VPS37A: variants seen among roughly 807,000 people sequenced by gnomAD.
VPS37A encodes VPS37A subunit of ESCRT-I.
In VPS37A, 30 loss-of-function variants were observed where a neutral mutation model predicts 49.8. That is an observed-to-expected ratio of 0.60 (90% CI 0.45 to 0.82). The LOEUF is 0.82. Ranked by LOEUF, VPS37A falls within the 40% of genes least tolerant of loss-of-function variation. The pLI is 0.00. For synonymous variants in VPS37A, 195 were observed against 160.6 expected, an observed-to-expected ratio of 1.21 and a Z score of -1.62; for missense variants, 593 against 464.4, an observed-to-expected ratio of 1.28 and a Z score of -2.55.
the VPS37A span, among the ~76,000 whole-genome samples, chr8:17,329,472 T>C: frequency 6.6e-6 from 1 of 152,254 alleles, no homozygotes; most frequent in African/African-American, 2.4e-5. Context: ...AAAACAGTAG[T>C]GTCAGACCAC....
the VPS37A span, among the ~76,000 whole-genome samples, chr8:17,324,473 T>C: frequency 1.3e-5 from 2 of 152,204 alleles, no homozygotes; most frequent in East Asian, 1.9e-4. Flanking sequence ...CCACCGCACA[T>C]GCATCCATGC....
At chr8:17,286,709 C>G (rs567024600) in intron 11 of VPS37A, 133 of 293,986 alleles carry the variant, frequency 4.5e-4, no homozygotes, top group Middle Eastern at 1.2e-3. Flanking sequence ...CTTTCTCTCA[C>G]CTGGTGTGTA....
At chr8:17,329,273 C>T in the VPS37A span, among the ~76,000 whole-genome samples, 3 of 152,108 alleles carry the variant, frequency 2.0e-5, no homozygotes, top group South Asian at 4.1e-4. Context: ...GCTCAGCCTC[C>T]GCAATGGTTT....
chr8:17,309,611 G>A, the VPS37A span, among the ~76,000 whole-genome samples: 3 of 152,106 alleles, frequency 2.0e-5, no homozygotes, highest in Non-Finnish European at 2.9e-5. Flanking sequence ...ATTGCTTTAC[G>A]TATGATCTCT....
At chr8:17,276,545 ATAAAT>A in intron 6 of VPS37A, 78 bp downstream of exon 6, 2 of 1,384,242 alleles carry the variant, frequency 1.4e-6, no homozygotes, top group Non-Finnish European at 2.0e-6. Context: ...TCATATCCAT[ATAAAT>A]TAAAGTTTAA....
chr8:17,256,290 ATTTTTTTTTTTTTTTTT>A (rs529736602), intron 1 of VPS37A, among the ~76,000 whole-genome samples: 1 of 60,388 alleles, frequency 1.7e-5, no homozygotes, highest in East Asian at 6.8e-4. Context: ...GGGTAAAATG[ATTTTTTTTTTTTTTTTT>A]TTTTTTTTTT....
At chr8:17,255,816 C>T (rs1812396668) in intron 1 of VPS37A, among the ~76,000 whole-genome samples, 1 of 152,120 alleles carries the variant, frequency 6.6e-6, no homozygotes, top group Non-Finnish European at 1.5e-5. Context: ...TGGTTTATGT[C>T]ACTTAACGTA....
intron 1 of VPS37A, 52 bp downstream of exon 1, chr8:17,247,421 G>GTC: frequency 1.8e-5 from 3 of 163,974 alleles, no homozygotes; most frequent in Admixed American, 9.7e-5. Flanking sequence ...GGGAGGGCGG[G>GTC]CTTGTCCTAA....
At chr8:17,248,168 C>G (rs1454599925) in intron 1 of VPS37A, 4 of 367,080 alleles carry the variant, frequency 1.1e-5, no homozygotes, top group African/African-American at 4.3e-5. Flanking sequence ...ATTAGAACTG[C>G]TTCTTTATAT....
At chr8:17,313,202 G>T in the VPS37A span, 2 of 902,880 alleles carry the variant, frequency 2.2e-6, no homozygotes, top group Non-Finnish European at 3.5e-6. Flanking sequence ...TGCAGCTTAA[G>T]ACAGGGAAGC....
rs761480391 is a variant in VPS37A, at chr8:17,280,275, A to G, written c.878A>G (p.Lys293Arg). ...CTTTTGGAGCCCAGCTTGGAAGCCA[A>G]AAGACAAACTGTTTTAGATAAGGTG... ...NLLLEPSLEAKRQTVLDKYEL... is the reference protein window; with the variant it reads ...NLLLEPSLEARRQTVLDKYEL... Residue 293 changes from lysine (K) to arginine (R), a missense_variant, in exon 8 of 12, where the codon AAA becomes AGA. Physicochemically the swap from Lys to Arg is conservative, Grantham distance 26. Coordinates refer to ENST00000324849, the MANE Select transcript of VPS37A (RefSeq NM_152415.3). 5.6e-6 allele frequency: 9 copies of G among 1,612,756 alleles called. No homozygotes were observed. The highest frequency in any genetic ancestry group is 4.4e-5 in the South Asian group (4 of 90,814).
chr8:17,284,313 G>A (rs1815382841), intron 9 of VPS37A, among the ~76,000 whole-genome samples, 160 bp from the exon 10 acceptor site: 1 of 152,184 alleles, frequency 6.6e-6, no homozygotes, highest in African/African-American at 2.4e-5. Flanking sequence ...CAAAAGCTAA[G>A]GACCTGGGTG....
At chr8:17,266,814 C>T (rs1448333060) in intron 2 of VPS37A, among the ~76,000 whole-genome samples, 3 of 152,186 alleles carry the variant, frequency 2.0e-5, no homozygotes, top group Non-Finnish European at 4.4e-5. Flanking sequence ...CCCTCTGTCG[C>T]CCAGACTGGA....
At chr8:17,293,521 TGGA>T (rs751735365) in intron 11 of VPS37A, among the ~76,000 whole-genome samples, 3 of 152,234 alleles carry the variant, frequency 2.0e-5, no homozygotes, top group East Asian at 1.9e-4. Flanking sequence ...TGTGATCCTT[TGGA>T]GGAGAAGAGG....
chr8:17,279,983 C>T (rs188636739), intron 6 of VPS37A, 45 bp from the exon 7 acceptor site: 1 of 1,606,534 alleles, frequency 6.2e-7, no homozygotes, highest in East Asian at 2.2e-5. Context: ...TGGAGAAAAA[C>T]TCGATGTCTG....
chr8:17,294,335 G>C (rs1816424387), intron 11 of VPS37A, among the ~76,000 whole-genome samples: 1 of 152,186 alleles, frequency 6.6e-6, no homozygotes, highest in Admixed American at 6.5e-5. Context: ...GTCGACCTCA[G>C]ACTGCTATGC....
At chr8:17,313,480 T>G in the VPS37A span, 2 of 887,072 alleles carry the variant, frequency 2.3e-6, no homozygotes, top group Admixed American at 4.4e-5. Flanking sequence ...ATAGGTAGTT[T>G]GTTAATGATT....
In VPS37A at chr8:17,286,511, C is replaced by A. The variant is rs3793428; in HGVS notation, c.*84C>A. The stretch of plus-strand genomic sequence containing the variant: ...CATGTTGTTAACGGTGCCTGTTCAT[C>A]AGCCTTAAGCATAATTCTGTCATTA... On this transcript the variant is annotated intron_variant, in intron 11 of 11. Transcript: ENST00000324849. 0.21 allele frequency: 241,082 copies of A among 1,152,642 alleles called. 34,958 individuals carry two copies. The highest frequency in any genetic ancestry group is 0.61 in the East Asian group (24,067 of 39,742). 71.4% of individuals were successfully genotyped at this position (1,152,642 alleles called of 1,614,324 possible).
At chr8:17,302,411 G>T, downstream of VPS37A, 5 of 978,488 alleles carry the variant, frequency 5.1e-6, no homozygotes, top group Non-Finnish European at 5.8e-6. Flanking sequence ...CCTCAAAAAA[G>T]CCACTACTTA....
Sources: gnomAD v4.1 joint callset for allele counts (sites outside exome capture counted in the v4.1 genomes callset) on GRCh38, gnomAD v4.1.1 for gene constraint, MANE v1.5 for transcripts, NCBI Gene and HGNC (gene_info 2026-07-23, HGNC 2026-07-21) for gene names.